HS6ST3: variants seen among roughly 807,000 people sequenced by gnomAD.
HS6ST3 encodes heparan sulfate 6-O-sulfotransferase 3.
In HS6ST3, 12 loss-of-function variants were observed where a neutral mutation model predicts 36.7. The ratio of observed to expected loss-of-function variants is 0.33; its 90% confidence interval spans 0.21 to 0.53. The LOEUF is 0.53. Ranked by LOEUF, HS6ST3 falls within the 20% of genes least tolerant of loss-of-function variation. HS6ST3 has a pLI of 0.95. For missense variants in HS6ST3, 584 were observed against 640.9 expected (o/e 0.91, Z 0.96); for synonymous variants, 240 against 257.5 (o/e 0.93, Z 0.65).
chr13:96,598,049 G>A lies in HS6ST3; in HGVS notation c.708-234441G>A, dbSNP rs572276128. ...GGTCTCTGTGTCTGCTTTTATACCA[G>A]TGCCATGCTGTTTTCATTACCATAA... On this transcript the variant is annotated intron_variant, in intron 1 of 1. Transcript: ENST00000376705. 5.5e-4 allele frequency among the ~76,000 whole-genome samples: 84 copies of A among 152,136 alleles called. 1 individual carries two copies. The highest frequency in any genetic ancestry group is 2.0e-3 in the African/African-American group (82 of 41,516).
chr13:96,284,910 GCTTTCTTTCTTTCTTTCTTTCTTT>G (rs71740033), intron 1 of HS6ST3, among the ~76,000 whole-genome samples: 1,960 of 134,664 alleles, frequency 0.015, 62 homozygotes, highest in African/African-American at 0.048. Context: ...ATGCATATTT[GCTTTCTTTCTTTCTTTCTTTCTTT>G]CTTTCTTTCT....
At chr13:96,708,236 C>T (rs1380216541) in intron 1 of HS6ST3, among the ~76,000 whole-genome samples, 2 of 152,174 alleles carry the variant, frequency 1.3e-5, no homozygotes, top group Admixed American at 1.3e-4. Context: ...CACTTAGAAG[C>T]CACTTTACCC....
intron 1 of HS6ST3, among the ~76,000 whole-genome samples, chr13:96,504,986 A>G (rs945814512): frequency 2.0e-5 from 3 of 152,290 alleles, no homozygotes; most frequent in Middle Eastern, 3.4e-3. Context: ...TAGATGAGAA[A>G]ATACTGACCC....
chr13:96,806,927 T>TC (rs1341868923), intron 1 of HS6ST3, among the ~76,000 whole-genome samples: 1 of 152,082 alleles, frequency 6.6e-6, no homozygotes, highest in Non-Finnish European at 1.5e-5. Flanking sequence ...TTTATGGCCT[T>TC]CCCCCCGGGA....
In HS6ST3 at chr13:96,686,850, C is replaced by T. The variant is rs147669999; in HGVS notation, c.708-145640C>T. On this transcript the variant is annotated intron_variant, in intron 1 of 1. Transcript: ENST00000376705. The stretch of plus-strand genomic sequence containing the variant: ...GATTCATAGCCATAGGTAACAGATA[C>T]ACTTTATTACACATCTGTTATCTAC... Among the ~76,000 whole-genome samples the T allele has an allele frequency of 9.0e-4, 137 of 152,120 alleles. 1 individual carries two copies. Among genetic ancestry groups the T allele is most frequent in the Non-Finnish European group, 1.6e-3 (107 of 67,956 alleles).
intron 1 of HS6ST3, among the ~76,000 whole-genome samples, chr13:96,149,027 AT>A (rs1218735262): frequency 2.0e-5 from 3 of 152,208 alleles, no homozygotes; most frequent in Non-Finnish European, 4.4e-5. Context: ...TTTAAAGAAA[AT>A]TTTTGCCTTC....
intron 1 of HS6ST3, among the ~76,000 whole-genome samples, chr13:96,805,413 C>T (rs1394661990): frequency 6.6e-6 from 1 of 152,122 alleles, no homozygotes; most frequent in Non-Finnish European, 1.5e-5. Flanking sequence ...CTGAGGTCTC[C>T]CCAGCAATGT....
At chr13:96,496,364 C>T (rs557765801) in intron 1 of HS6ST3, among the ~76,000 whole-genome samples, 3 of 152,162 alleles carry the variant, frequency 2.0e-5, no homozygotes, top group South Asian at 2.1e-4. Flanking sequence ...TTTGTACACT[C>T]ACGCTGCTTG....
intron 1 of HS6ST3, among the ~76,000 whole-genome samples, chr13:96,729,903 T>C (rs1003522960): frequency 6.6e-6 from 1 of 152,242 alleles, no homozygotes. Context: ...ATTTTCTATG[T>C]ATGTAACACT....
intron 1 of HS6ST3, among the ~76,000 whole-genome samples, chr13:96,117,872 CTTTTTT>C (rs758866628): frequency 7.0e-6 from 1 of 142,668 alleles, no homozygotes; most frequent in African/African-American, 2.6e-5. Flanking sequence ...TAGAATGTGA[CTTTTTT>C]TTTTTTTTCG....
At position 96,178,153 on chromosome 13, in the gene HS6ST3, C is replaced by T. The variant is rs538321713; in HGVS notation, c.707+86584C>T. 7.9e-5 allele frequency among the ~76,000 whole-genome samples: 12 copies of T among 151,994 alleles called. No individual in the cohort carries two copies. The South Asian group carries it at 8.3e-4, about 11-fold the overall frequency. On this transcript the variant is annotated intron_variant, in intron 1 of 1. Coordinates refer to ENST00000376705, the MANE Select transcript of HS6ST3 (RefSeq NM_153456.4). ...GGTGGATAGGGTACAAGATTGGCCA[C>T]GAATTAATACTTCTGAGGCTGAATA... is the stretch of plus-strand genomic sequence containing the variant.
In HS6ST3 at chr13:96,644,453, A is replaced by G. The variant is rs193074326; in HGVS notation, c.708-188037A>G. Among the ~76,000 whole-genome samples the G allele has an allele frequency of 4.6e-5, 7 of 152,152 alleles. No individual in the cohort carries two copies. The East Asian group carries it at 1.4e-3, about 30-fold the overall frequency. ...GATTTAAGGAAAAGAAGCCCTTGAA[A>G]TATCGGAAATAGCATTATACAGGCA... On this transcript the variant is annotated intron_variant, in intron 1 of 1. Coordinates refer to ENST00000376705, the MANE Select transcript of HS6ST3 (RefSeq NM_153456.4).
intron 1 of HS6ST3, among the ~76,000 whole-genome samples, chr13:96,488,791 T>C (rs757455136): frequency 6.6e-6 from 1 of 152,136 alleles, no homozygotes; most frequent in Non-Finnish European, 1.5e-5. Context: ...CTTTGAATGC[T>C]TCTACTTCAT....
At chr13:96,659,017 C>T (rs1223015219) in intron 1 of HS6ST3, among the ~76,000 whole-genome samples, 4 of 152,112 alleles carry the variant, frequency 2.6e-5, no homozygotes, top group African/African-American at 9.7e-5. Flanking sequence ...TGTATGAACT[C>T]TTTTACCTTG....
At chr13:96,215,796 C>T (rs2054423010) in intron 1 of HS6ST3, among the ~76,000 whole-genome samples, 1 of 151,884 alleles carries the variant, frequency 6.6e-6, no homozygotes, top group African/African-American at 2.4e-5. Flanking sequence ...GTTTGTGGTT[C>T]CTGGCTTTGT....
At chr13:96,679,958 CA>C (rs1171722669) in intron 1 of HS6ST3, among the ~76,000 whole-genome samples, 1 of 152,064 alleles carries the variant, frequency 6.6e-6, no homozygotes, top group Non-Finnish European at 1.5e-5. Context: ...GATCCTGTTT[CA>C]AGCCTAAAAG....
intron 1 of HS6ST3, among the ~76,000 whole-genome samples, chr13:96,130,556 T>G (rs890191228): frequency 3.3e-5 from 5 of 152,338 alleles, no homozygotes; most frequent in African/African-American, 9.6e-5. Flanking sequence ...TTTTAGGATC[T>G]CAAGACATGG....
intron 1 of HS6ST3, among the ~76,000 whole-genome samples, chr13:96,795,313 G>T (rs991623354): frequency 1.3e-5 from 2 of 151,606 alleles, no homozygotes; most frequent in Non-Finnish European, 2.9e-5. Flanking sequence ...TTTTAATCTT[G>T]TCTTTGTGCC....
chr13:96,509,457 A>G (rs192642922), intron 1 of HS6ST3, among the ~76,000 whole-genome samples: 206 of 152,190 alleles, frequency 1.4e-3, no homozygotes, highest in Admixed American at 5.2e-3. Flanking sequence ...ATGTTGTCTT[A>G]TAGAATGTTT....
Sources: allele counts gnomAD v4.1 joint callset (sites outside exome capture counted in the v4.1 genomes callset), GRCh38; gene constraint gnomAD v4.1.1; transcripts MANE v1.5; gene names NCBI Gene and HGNC (gene_info 2026-07-23, HGNC 2026-07-21).